Variants in DNAH9 observed in about 807,000 individuals in gnomAD.
DNAH9 encodes DNAH9 variant protein.
DNAH9 carries 345 observed loss-of-function variants against 471.6 expected under a neutral mutation model. That is an observed-to-expected ratio of 0.73 (90% CI 0.67 to 0.80). The LOEUF (loss-of-function observed/expected upper bound fraction) is 0.80, where lower values mean the gene tolerates loss of function less well. DNAH9 is among the 30% of genes least tolerant of loss of function. The probability of loss-of-function intolerance (pLI) is 0.00; values close to 1 mark genes in which losing one functional copy is unlikely to be tolerated. For missense variants in DNAH9, 5,407 were observed against 5,609.2 expected (o/e 0.96, Z 1.15); for synonymous variants, 2,093 against 2,123.6 (o/e 0.99, Z 0.40).
At position 11,937,281 on chromosome 17, in the gene DNAH9, G is replaced by A; in HGVS notation, c.12490-71G>A. ...TACTAGCCCATGGACTCCCTGCAGAGGACAAGCCGGTGTGGGAGATGGGAG... is the reference window on the plus strand; with the variant it reads ...TACTAGCCCATGGACTCCCTGCAGAAGACAAGCCGGTGTGGGAGATGGGAG... On this transcript the variant is annotated intron_variant, in intron 65 of 68. Coordinates refer to ENST00000262442, the MANE Select transcript of DNAH9 (RefSeq NM_001372.4). The surrounding 1 kb of genome is among the most constrained non-coding windows in gnomAD (Gnocchi z 4.1). The A allele has an allele frequency of 6.5e-7, 1 of 1,542,226 alleles. No homozygotes were observed. The highest frequency in any genetic ancestry group is 2.3e-5 in the East Asian group (1 of 44,212).
At chr17:11,814,519 C>T (rs1429620551) in intron 45 of DNAH9, among the ~76,000 whole-genome samples, 1 of 152,150 alleles carries the variant, frequency 6.6e-6, no homozygotes, top group Non-Finnish European at 1.5e-5. Flanking sequence ...GGCTAGATGA[C>T]TTTCTATGTA....
chr17:11,837,587 C>G (rs1389889741), intron 49 of DNAH9, among the ~76,000 whole-genome samples: 1 of 152,234 alleles, frequency 6.6e-6, no homozygotes. Flanking sequence ...CTAAGTTGCT[C>G]TCTCTGCTCC....
chr17:11,857,451 C>T (rs1971665918), intron 50 of DNAH9, among the ~76,000 whole-genome samples: 1 of 152,112 alleles, frequency 6.6e-6, no homozygotes, highest in South Asian at 2.1e-4. Flanking sequence ...GGAGACCCAC[C>T]CAGGGCAAGA....
intron 19 of DNAH9, among the ~76,000 whole-genome samples, chr17:11,684,902 T>C (rs937272552): frequency 2.6e-5 from 4 of 152,194 alleles, no homozygotes; most frequent in African/African-American, 9.7e-5. Flanking sequence ...TCATTAAACC[T>C]CCCAGAGACA....
chr17:11,675,933 G>T (rs1426846315), intron 17 of DNAH9, among the ~76,000 whole-genome samples: 1 of 151,186 alleles, frequency 6.6e-6, no homozygotes, highest in African/African-American at 2.4e-5. Context: ...TTGTAATTGT[G>T]CTAGCTTCAT....
intron 45 of DNAH9, among the ~76,000 whole-genome samples, chr17:11,816,817 C>G (rs917609294): frequency 6.6e-6 from 1 of 152,142 alleles, no homozygotes; most frequent in African/African-American, 2.4e-5. Flanking sequence ...ATTTCTAACT[C>G]CAAGTACTGC....
intron 62 of DNAH9, chr17:11,925,029 T>G (rs533838048): frequency 2.7e-6 from 1 of 367,280 alleles, no homozygotes; most frequent in African/African-American, 2.1e-5. Context: ...CTTGTATACA[T>G]GCTGGAGTTG....
At chr17:11,708,713 C>A (rs577946777) in intron 26 of DNAH9, among the ~76,000 whole-genome samples, 1 of 152,292 alleles carries the variant, frequency 6.6e-6, no homozygotes, top group Admixed American at 6.5e-5. Context: ...TTCCCTACTG[C>A]AGTGAGGTCT....
At chr17:11,865,077 G>C (rs1971994774) in intron 50 of DNAH9, among the ~76,000 whole-genome samples, 1 of 152,056 alleles carries the variant, frequency 6.6e-6, no homozygotes, top group Admixed American at 6.6e-5. Flanking sequence ...GATGTTAGCT[G>C]GTTATTTTGC....
At chr17:11,796,544 A>T (rs1969248017) in intron 42 of DNAH9, among the ~76,000 whole-genome samples, 1 of 152,164 alleles carries the variant, frequency 6.6e-6, no homozygotes, top group South Asian at 2.1e-4. Context: ...GGTGAATCTC[A>T]TCCCATAGGT....
intron 48 of DNAH9, among the ~76,000 whole-genome samples, chr17:11,832,815 G>A (rs948972620): frequency 2.6e-5 from 4 of 152,152 alleles, no homozygotes; most frequent in African/African-American, 7.2e-5. Flanking sequence ...AAAAATGAGA[G>A]GCAAGAGGCC....
At chr17:11,639,121 C>G (rs1211250431) in intron 9 of DNAH9, among the ~76,000 whole-genome samples, 1 of 152,198 alleles carries the variant, frequency 6.6e-6, no homozygotes, top group Non-Finnish European at 1.5e-5. Context: ...ATCATGACCA[C>G]AGGAGTACGC....
chr17:11,949,326 G>T (rs933743816), intron 67 of DNAH9, among the ~76,000 whole-genome samples: 1 of 152,158 alleles, frequency 6.6e-6, no homozygotes, highest in Non-Finnish European at 1.5e-5. Context: ...TTTCTTGAGC[G>T]AAGGGTCCAG....
chr17:11,745,736 T>A (rs1658994694), intron 31 of DNAH9, among the ~76,000 whole-genome samples: 1 of 152,230 alleles, frequency 6.6e-6, no homozygotes, highest in Admixed American at 6.5e-5. Context: ...GAAAGCACTA[T>A]TGGAGAATTA....
intron 66 of DNAH9, among the ~76,000 whole-genome samples, chr17:11,939,737 G>A (rs549963194): frequency 6.6e-6 from 1 of 152,286 alleles, no homozygotes; most frequent in South Asian, 2.1e-4. Context: ...ACATCTATAT[G>A]AAGGGAAGCT....
chr17:11,918,761 G>A (rs1331405713), intron 61 of DNAH9, among the ~76,000 whole-genome samples: 2 of 151,660 alleles, frequency 1.3e-5, no homozygotes, highest in East Asian at 2.0e-4. Context: ...CAAGGCACGC[G>A]GATCACCTGA....
intron 67 of DNAH9, among the ~76,000 whole-genome samples, chr17:11,957,578 A>T (rs938404699): frequency 6.6e-6 from 1 of 151,106 alleles, no homozygotes; most frequent in Non-Finnish European, 1.5e-5. Context: ...GAAAAAAAAA[A>T]AAAAAGCCAG....
chr17:11,824,347 A>C (rs1038389535), intron 48 of DNAH9, among the ~76,000 whole-genome samples: 1 of 152,128 alleles, frequency 6.6e-6, no homozygotes, highest in African/African-American at 2.4e-5. Context: ...TTGATTCAGA[A>C]GTATTAAATG....
At chr17:11,690,810 C>T (rs2074322559) in intron 20 of DNAH9, among the ~76,000 whole-genome samples, 2 of 152,202 alleles carry the variant, frequency 1.3e-5, no homozygotes, top group South Asian at 2.1e-4. Flanking sequence ...AAGCGAGTCT[C>T]GTTTCCAGGC....
Sources: gnomAD v4.1 joint callset for allele counts (sites outside exome capture counted in the v4.1 genomes callset) on GRCh38, gnomAD v4.1.1 for gene constraint, Gnocchi (gnomAD v3.1) non-coding constraint, MANE v1.5 for transcripts, NCBI Gene and HGNC (gene_info 2026-07-23, HGNC 2026-07-21) for gene names.